Variants in OR5P3 observed in about 807,000 individuals in gnomAD.
OR5P3 encodes the protein olfactory receptor family 5 subfamily P member 3, also known as olfactory receptor 5P3.
For missense variants in OR5P3, 415 were observed against 375.6 expected, an observed-to-expected ratio of 1.10 and a Z score of -0.87; for synonymous variants, 172 against 141.8, an observed-to-expected ratio of 1.21 and a Z score of -1.51.
chr11:7,824,975 T>A lies in OR5P3; in HGVS notation c.*62A>T. 1 of 1,281,030 alleles carries A rather than the reference T, an allele frequency of 7.8e-7. No individual in the cohort carries two copies. The highest frequency in any genetic ancestry group is 1.1e-6 in the Non-Finnish European group (1 of 951,062). The allele number at this position is 1,281,030 out of a possible 1,614,324, so 79.4% of individuals were successfully genotyped here. ...ATAAATTTTGACCACAAACACTCGGTGTCTTATTATTATTATATATAGAAT... is the reference window on the plus strand; with the variant it reads ...ATAAATTTTGACCACAAACACTCGGAGTCTTATTATTATTATATATAGAAT... On this transcript the variant is annotated 3_prime_UTR_variant, in exon 2 of 2. Transcript: ENST00000641167.
intron 1 of OR5P3, among the ~76,000 whole-genome samples, chr11:7,826,584 G>A (rs765039627): frequency 1.3e-5 from 2 of 152,162 alleles, no homozygotes; most frequent in Non-Finnish European, 2.9e-5. Flanking sequence ...AAATATCCAG[G>A]AAGTCTGGAC....
chr11:7,825,135 C>A lies in OR5P3; in HGVS notation c.838G>T (p.Val280Leu), dbSNP rs200018758. Residue 280 changes from valine (V) to leucine (L), a missense_variant, in exon 2 of 2, where the codon GTG (valine) becomes TTG (leucine). Val to Leu is a conservative substitution (Grantham distance 32). Transcript: ENST00000641167. ...AGGGGGTTCAACATGGGAATCACCA[C>A]GGTGTAGAACACAGACACCACCTTG... ...QNKVVSVFYT[V>L]VIPMLNPLIY... The A allele has an allele frequency of 3.1e-6, 5 of 1,606,194 alleles. No homozygotes were observed. Among genetic ancestry groups the A allele is most frequent in the East Asian group, 2.2e-5 (1 of 44,898 alleles).
Position 7,825,994 on chromosome 11 carries a change from C to G in OR5P3, c.-21-1G>C. 4.7e-6 allele frequency: 6 copies of G among 1,273,992 alleles called. No individual in the cohort carries two copies. Among genetic ancestry groups the G allele is most frequent in the Admixed American group, 2.2e-5 (1 of 45,500 alleles). The allele number at this position is 1,273,992 out of a possible 1,614,324, so 78.9% of individuals were successfully genotyped here. On this transcript the variant is annotated splice_acceptor_variant, in intron 1 of 1. Transcript: ENST00000641167. LOFTEE classifies it low-confidence loss of function (5UTR_SPLICE). The stretch of plus-strand genomic sequence containing the variant: ...CCATCTATATTGGGAATGGTGCCAA[C>G]TGAAAGAAAAACAAATGAATATTAT...
chr11:7,825,694 A>T lies in OR5P3; in HGVS notation c.279T>A (p.Pro93=). The change falls in exon 2 of 2, where the codon CCT becomes CCA. Residue 93 remains proline, a synonymous_variant. Coordinates refer to ENST00000641167, the MANE Select transcript of OR5P3 (RefSeq NM_153445.2). ...MSFLRKETSL[P]VAGCVAQLCS... Reference sequence around the variant, plus strand: ...AGAGCTGGGCCACACAACCAGCAACAGGGAGAGAGGTTTCTTTCCTTAGGA... The same window carrying T: ...AGAGCTGGGCCACACAACCAGCAACTGGGAGAGAGGTTTCTTTCCTTAGGA... 1.2e-6 allele frequency: 2 copies of T among 1,613,232 alleles called. No homozygotes were observed. The highest frequency in any genetic ancestry group is 1.7e-6 in the Non-Finnish European group (2 of 1,180,034).
intron 1 of OR5P3, among the ~76,000 whole-genome samples, chr11:7,828,504 G>C (rs187880387): frequency 5.3e-5 from 8 of 152,280 alleles, no homozygotes; most frequent in Admixed American, 5.2e-4. Flanking sequence ...AGAAGGGAGG[G>C]TGAAAGCTAA....
chr11:7,826,891 A>T (rs1857748940), intron 1 of OR5P3, among the ~76,000 whole-genome samples: 1 of 152,168 alleles, frequency 6.6e-6, no homozygotes, highest in South Asian at 2.1e-4. Context: ...AAAAAATTGC[A>T]TCTGTAGGTC....
intron 1 of OR5P3, among the ~76,000 whole-genome samples, chr11:7,827,382 C>T (rs180763171): frequency 6.6e-6 from 1 of 152,280 alleles, no homozygotes; most frequent in Non-Finnish European, 1.5e-5. Flanking sequence ...TGATAGTCTC[C>T]TTCAGTGCCC....
In OR5P3 at chr11:7,825,701, G is replaced by C; in HGVS notation, c.272C>G (p.Ser91Cys). 6.2e-7 allele frequency: 1 copy of C among 1,613,246 alleles called. No homozygotes were observed. The highest frequency in any genetic ancestry group is 8.5e-7 in the Non-Finnish European group (1 of 1,180,038). Reference sequence around the variant, plus strand: ...GGCCACACAACCAGCAACAGGGAGAGAGGTTTCTTTCCTTAGGAAGCTCAT... The same window carrying C: ...GGCCACACAACCAGCAACAGGGAGACAGGTTTCTTTCCTTAGGAAGCTCAT... ...MLMSFLRKETSLPVAGCVAQL... is the reference protein window; with the variant it reads ...MLMSFLRKETCLPVAGCVAQL... Residue 91 changes from serine (S) to cysteine (C), a missense_variant, in exon 2 of 2, where the codon TCT (serine) becomes TGT (cysteine). Physicochemically the swap from Ser to Cys is moderately radical, Grantham distance 112. Coordinates refer to ENST00000641167, the MANE Select transcript of OR5P3 (RefSeq NM_153445.2).
intron 1 of OR5P3, 128 bp downstream of exon 1, chr11:7,830,696 A>G (rs1198685014): frequency 6.6e-6 from 1 of 152,226 alleles, no homozygotes; most frequent in Non-Finnish European, 1.5e-5. Flanking sequence ...TGATAATACC[A>G]AGTATGGATC....
In OR5P3 at chr11:7,825,736, A is replaced by C. The variant is rs764580726; in HGVS notation, c.237T>G (p.Pro79=). The C allele has an allele frequency of 3.1e-6, 5 of 1,613,276 alleles. No individual in the cohort carries two copies. Among genetic ancestry groups the C allele is most frequent in the Non-Finnish European group, 4.2e-6 (5 of 1,180,030 alleles). Residue 79 remains proline (P), a synonymous_variant, in exon 2 of 2, where the codon CCT becomes CCG. Transcript: ENST00000641167. The part of the protein sequence containing the change: ...VDIGYSSSVT[P]VMLMSFLRKE... ...TCCTTAGGAAGCTCATGAGCATGAC[A>C]GGTGTGACTGATGAGGAGTACCCAA...
intron 1 of OR5P3, among the ~76,000 whole-genome samples, chr11:7,827,358 T>C (rs735064): frequency 0.25 from 38,743 of 152,084 alleles, 5,111 homozygotes; most frequent in Non-Finnish European, 0.27. Context: ...ATAACGACAA[T>C]TCTTTGAGGC....
chr11:7,828,058 T>A (rs1228608695), intron 1 of OR5P3, among the ~76,000 whole-genome samples: 1 of 151,890 alleles, frequency 6.6e-6, no homozygotes, highest in African/African-American at 2.4e-5. Context: ...TATTTGTAGG[T>A]AGGAAGGAGA....
At position 7,825,820 on chromosome 11, in the gene OR5P3, T is replaced by A; in HGVS notation, c.153A>T (p.Arg51Ser). 2 of 1,612,526 alleles carry A rather than the reference T, an allele frequency of 1.2e-6. No homozygotes were observed. The highest frequency in any genetic ancestry group is 1.7e-6 in the Non-Finnish European group (2 of 1,179,994). Residue 51 changes from arginine (R) to serine (S), a missense_variant, in exon 2 of 2, where the codon AGA becomes AGT. Coordinates refer to ENST00000641167, the MANE Select transcript of OR5P3 (RefSeq NM_153445.2). ...GNISIIVLIR[R>S]SHHLHTPMYI... ...ACATGGGTGTATGAAGATGATGACT[T>A]CTTCTGATCAATACAATTATGCTGA...
intron 1 of OR5P3, among the ~76,000 whole-genome samples, chr11:7,828,156 C>T (rs919760348): frequency 9.9e-5 from 15 of 152,130 alleles, no homozygotes; most frequent in African/African-American, 3.6e-4. Context: ...AAAAAAAGTT[C>T]ATCATTTGAG....
chr11:7,827,195 A>T (rs1857753363), intron 1 of OR5P3, among the ~76,000 whole-genome samples: 1 of 152,178 alleles, frequency 6.6e-6, no homozygotes, highest in Non-Finnish European at 1.5e-5. Flanking sequence ...CTTTTCTATG[A>T]TTTCTAAAGA....
rs774154347 is a variant in OR5P3, at chr11:7,825,782, C to A, written c.191G>T (p.Cys64Phe). Residue 64 changes from cysteine (C) to phenylalanine (F), a missense_variant, in exon 2 of 2, where the codon TGC (cysteine) becomes TTC (phenylalanine). Transcript: ENST00000641167. ...HLHTPMYIFLCHLAFVDIGYS... is the reference protein window; with the variant it reads ...HLHTPMYIFLFHLAFVDIGYS... The stretch of plus-strand genomic sequence containing the variant: ...CCCAATGTCTACAAAGGCCAAATGG[C>A]AGAGGAAAATGTACATGGGTGTATG... 1.2e-6 allele frequency: 2 copies of A among 1,613,028 alleles called. No homozygotes were observed. Among genetic ancestry groups the A allele is most frequent in the African/African-American group, 2.7e-5 (2 of 74,012 alleles).
At chr11:7,829,664 C>A (rs1023977217) in intron 1 of OR5P3, among the ~76,000 whole-genome samples, 1 of 152,222 alleles carries the variant, frequency 6.6e-6, no homozygotes, top group Non-Finnish European at 1.5e-5. Context: ...AATGCGTGAA[C>A]TTTCTCAATA....
chr11:7,826,043 C>T, intron 1 of OR5P3, 50 bp from the exon 2 acceptor site: 2 of 880,120 alleles, frequency 2.3e-6, no homozygotes. Flanking sequence ...GCTATAATTG[C>T]ACACTTATTT....
intron 1 of OR5P3, among the ~76,000 whole-genome samples, chr11:7,827,595 G>T (rs915267588): frequency 6.6e-6 from 1 of 152,118 alleles, no homozygotes; most frequent in Admixed American, 6.6e-5. Context: ...CCTGAGATGG[G>T]TAAAATCAAC....
Sources: allele counts gnomAD v4.1 joint callset (sites outside exome capture counted in the v4.1 genomes callset), GRCh38; gene constraint gnomAD v4.1.1; transcripts MANE v1.5; gene names NCBI Gene and HGNC (gene_info 2026-07-23, HGNC 2026-07-21).